CCDC194: variants seen among roughly 807,000 people sequenced by gnomAD.
The protein encoded by CCDC194 is coiled-coil domain containing 194.
A neutral mutation model predicts 4.9 loss-of-function variants in CCDC194; 8 were observed. That is an observed-to-expected ratio of 1.65 (90% CI 0.97 to 2.97). The LOEUF is 2.97. Among genes scored for constraint, CCDC194 ranks in the 30% most tolerant of loss-of-function variants. CCDC194 has a pLI of 0.00. For synonymous variants in CCDC194, 13 were observed against 17.0 expected, an observed-to-expected ratio of 0.76 and a Z score of 0.58; for missense variants, 52 against 43.1, an observed-to-expected ratio of 1.21 and a Z score of -0.58.
chr19:17,387,388 A>G (rs2074639469), downstream of CCDC194, among the ~76,000 whole-genome samples: 1 of 151,908 alleles, frequency 6.6e-6, no homozygotes, highest in Non-Finnish European at 1.5e-5. Context: ...TATTTGGATA[A>G]AAGTCCCCTC....
downstream of CCDC194, chr19:17,390,456 C>A (rs1451475612): frequency 1.3e-5 from 5 of 390,324 alleles, no homozygotes; most frequent in Non-Finnish European, 2.3e-5. This position sits in a 1 kb window ranked among gnomAD's most constrained non-coding sequence, Gnocchi z 5.5. Flanking sequence ...CCCGCAGACC[C>A]CCCCCCCATA....
chr19:17,391,302 G>A (rs970700156), exon 3 of CCDC194: 3 of 423,626 alleles, frequency 7.1e-6, no homozygotes, highest in Non-Finnish European at 1.2e-5. Flanking sequence ...TCCAGCCGCC[G>A]CGTAGACTCC....
downstream of CCDC194, among the ~76,000 whole-genome samples, chr19:17,388,193 CT>C (rs71162117): frequency 5.5e-4 from 51 of 92,098 alleles, no homozygotes; most frequent in African/African-American, 1.9e-3. Context: ...TCTTTTTTTC[CT>C]TTTTTTTTTT....
chr19:17,391,325 TCCCAGCGCGC>T lies in CCDC194; in HGVS notation c.430_439del (p.Ala144ArgfsTer46). The T allele has an allele frequency of 2.3e-6, 1 of 429,920 alleles. No individual in the cohort carries two copies. Among genetic ancestry groups the T allele is most frequent in the Non-Finnish European group, 4.1e-6 (1 of 245,968 alleles). 26.6% of individuals were successfully genotyped at this position (429,920 alleles called of 1,614,324 possible). On this transcript the variant is annotated frameshift_variant, in exon 3 of 4. Transcript: ENST00000636079. LOFTEE classifies it high-confidence loss of function. ...CCGCGTAGACTCCGTGGCCGCCGCC[TCCCAGCGCGC>T]CAGGGCCTCTGGGGGCGCAGGGAGC...
chr19:17,388,564 T>C (rs1281486806), downstream of CCDC194, among the ~76,000 whole-genome samples: 1 of 152,020 alleles, frequency 6.6e-6, no homozygotes, highest in Non-Finnish European at 1.5e-5. Flanking sequence ...CATGCCCAGC[T>C]AATATTTTGT....
downstream of CCDC194, among the ~76,000 whole-genome samples, chr19:17,388,215 T>G: frequency 1.6e-5 from 1 of 62,702 alleles, no homozygotes. Flanking sequence ...TTTTTTTTTT[T>G]TTGAGACAGG....
Position 17,394,130 on chromosome 19 carries a change from C to T in CCDC194, c.29G>A (p.Arg10His), listed in dbSNP as rs556899315. Residue 10 changes from arginine (R) to histidine (H), a missense_variant, in exon 1 of 4, where the codon CGT (arginine) becomes CAT (histidine). By Grantham distance (29) the Arg-to-His change is conservative. Coordinates refer to ENST00000636079, the Ensembl canonical transcript of CCDC194. ...GCACAGGGCGAGCACCCGCCAGGCA[C>T]GCCCGGGCTCCGGCCCCGGCTCGGC... is the stretch of plus-strand genomic sequence containing the variant. 500 of 392,828 alleles carry T rather than the reference C, an allele frequency of 1.3e-3. 1 individual carries two copies. Among genetic ancestry groups the T allele is most frequent in the Middle Eastern group, 2.6e-3 (4 of 1,550 alleles). The allele number at this position is 392,828 out of a possible 1,614,324, so 24.3% of individuals were successfully genotyped here.
rs1207067784 is a variant in CCDC194 at position 17,391,186 on chromosome 19, G to T, written c.554+25C>A. The stretch of plus-strand genomic sequence containing the variant: ...GCGCCCTCCCCGTCCATCCGACCCC[G>T]CCCTCGGGCCAGCCCCTCACTCACA... On this transcript the variant is annotated intron_variant, in intron 3 of 3. Transcript: ENST00000636079. 61 of 394,042 alleles carry T rather than the reference G, an allele frequency of 1.5e-4. No individual in the cohort carries two copies. In the East Asian group the frequency reaches 2.3e-3, roughly 15 times the overall value. 24.4% of individuals were successfully genotyped at this position (394,042 alleles called of 1,614,324 possible).
Position 17,391,482 on chromosome 19 carries a change from GGCTTCCAC to G in CCDC194, c.422-147_422-140del, listed in dbSNP as rs1284777635. 15 of 677,114 alleles carry G rather than the reference GGCTTCCAC, an allele frequency of 2.2e-5. No individual in the cohort carries two copies. In the Admixed American group the frequency reaches 4.4e-4, roughly 20 times the overall value. The allele number at this position is 677,114 out of a possible 1,614,324, so 41.9% of individuals were successfully genotyped here. Reference sequence around the variant, plus strand: ...ATTAAATTAGTGTGTACCATTGCATGGCTTCCACGTGCCATTTGCATAGCTTTTCATAG... The same window carrying G: ...ATTAAATTAGTGTGTACCATTGCATGGTGCCATTTGCATAGCTTTTCATAG... On this transcript the variant is annotated intron_variant, in intron 2 of 3. Coordinates refer to ENST00000636079, the Ensembl canonical transcript of CCDC194.
At chr19:17,387,730 A>G (rs111581741), downstream of CCDC194, among the ~76,000 whole-genome samples, 180 of 152,176 alleles carry the variant, frequency 1.2e-3, no homozygotes, top group Non-Finnish European at 1.7e-3. Context: ...AAAAGAAAAA[A>G]AAAGAAAGAA....
chr19:17,392,205 G>A (rs947916801), intron 1 of CCDC194: 4 of 175,352 alleles, frequency 2.3e-5, no homozygotes, highest in Admixed American at 1.2e-4. Flanking sequence ...GGGCGTCGTG[G>A]CTCACGCCTG....
intron 2 of CCDC194, 184 bp downstream of exon 2, chr19:17,391,566 C>G (rs1397062652): frequency 7.1e-7 from 1 of 1,409,662 alleles, no homozygotes; most frequent in Non-Finnish European, 9.4e-7. Context: ...TGTTTTGTGG[C>G]ATTTGCCTTG....
intron 1 of CCDC194, among the ~76,000 whole-genome samples, chr19:17,393,376 C>CT (rs551933814): frequency 0.012 from 1,374 of 115,206 alleles, 52 homozygotes; most frequent in Non-Finnish European, 0.014. Context: ...GACAGTGAGA[C>CT]TTTTTTTTTT....
chr19:17,391,183 C>A (rs539746930), intron 3 of CCDC194, 28 bp downstream of exon 3: 54 of 397,332 alleles, frequency 1.4e-4, no homozygotes, highest in Non-Finnish European at 2.3e-4. Flanking sequence ...TCCATCCGAC[C>A]CCGCCCTCGG....
chr19:17,387,484 A>G (rs1293319774), downstream of CCDC194, among the ~76,000 whole-genome samples: 1 of 152,086 alleles, frequency 6.6e-6, no homozygotes, highest in Non-Finnish European at 1.5e-5. Context: ...TTGGGAGGCC[A>G]AGGAGGGTGG....
At chr19:17,389,148 G>A (rs1375595504), downstream of CCDC194, among the ~76,000 whole-genome samples, 1 of 152,208 alleles carries the variant, frequency 6.6e-6, no homozygotes, top group Non-Finnish European at 1.5e-5. Context: ...CCAGCTTTGA[G>A]TTTGGAGGAG....
At chr19:17,391,378 T>TGCCCCCCCCCC in intron 2 of CCDC194, 35 bp from the exon 3 acceptor site, 2 of 501,570 alleles carry the variant, frequency 4.0e-6, no homozygotes. Context: ...GGCTGGAGAC[T>TGCCCCCCCCCC]CCCGCGCCCA....
chr19:17,387,606 G>T (rs565489289), downstream of CCDC194, among the ~76,000 whole-genome samples: 1 of 152,174 alleles, frequency 6.6e-6, no homozygotes, highest in African/African-American at 2.4e-5. Flanking sequence ...TGTAATTCCA[G>T]TTACTCGAGG....
exon 1 of CCDC194, chr19:17,394,013 G>A (rs980133625): frequency 4.9e-5 from 19 of 390,732 alleles, no homozygotes; most frequent in East Asian, 2.9e-4. Flanking sequence ...CCCTGGCTCC[G>A]GGCAGCGAGG....
Sources: gnomAD v4.1 joint callset for allele counts (sites outside exome capture counted in the v4.1 genomes callset) on GRCh38, gnomAD v4.1.1 for gene constraint, Gnocchi (gnomAD v3.1) non-coding constraint, MANE v1.5 for transcripts, NCBI Gene and HGNC (gene_info 2026-07-23, HGNC 2026-07-21) for gene names.